Variants in RABGEF1 observed in about 807,000 individuals in gnomAD.
RABGEF1 encodes the protein rab5 GDP/GTP exchange factor.
In RABGEF1, 26 loss-of-function variants were observed where a neutral mutation model predicts 57.3. The ratio of observed to expected loss-of-function variants is 0.45; its 90% CI spans 0.33 to 0.63. The LOEUF is 0.63. Among genes scored for constraint, RABGEF1 ranks in the 20% least tolerant of loss-of-function variants. The pLI, the probability that RABGEF1 is intolerant of heterozygous loss-of-function variation, is 0.02. For synonymous variants in RABGEF1, 185 were observed against 210.7 expected (o/e 0.88, Z 1.06); for missense variants, 464 against 607.6 (o/e 0.76, Z 2.48).
At chr7:66,693,367 G>A (rs1791827739) in intron 1 of RABGEF1, among the ~76,000 whole-genome samples, 1 of 152,010 alleles carries the variant, frequency 6.6e-6, no homozygotes, top group South Asian at 2.1e-4. Flanking sequence ...CACAAACTCC[G>A]TCTCTCCCCT....
intron 1 of RABGEF1, among the ~76,000 whole-genome samples, chr7:66,689,946 C>G (rs527832708): frequency 2.8e-4 from 42 of 152,198 alleles, no homozygotes; most frequent in Non-Finnish European, 5.7e-4. Flanking sequence ...AAAATTAATG[C>G]CAGTTTTTTG....
At chr7:66,715,995 C>T (rs1189466125) in intron 2 of RABGEF1, among the ~76,000 whole-genome samples, 2 of 152,162 alleles carry the variant, frequency 1.3e-5, no homozygotes, top group African/African-American at 4.8e-5. Flanking sequence ...TGTTTAGTTC[C>T]ATATCCTAGC....
intron 1 of RABGEF1, among the ~76,000 whole-genome samples, chr7:66,684,000 C>T (rs1404514415): frequency 6.6e-6 from 1 of 152,142 alleles, no homozygotes; most frequent in African/African-American, 2.4e-5. Context: ...CTCAAGTGTC[C>T]CAATGTGCTG....
chr7:66,726,778 C>T (rs1796633271), intron 2 of RABGEF1, among the ~76,000 whole-genome samples: 2 of 152,090 alleles, frequency 1.3e-5, no homozygotes, highest in South Asian at 4.1e-4. Flanking sequence ...CTGAGGTGGG[C>T]TGATCACTTA....
intron 8 of RABGEF1, 63 bp from the exon 9 acceptor site, chr7:66,808,823 A>C: frequency 1.4e-6 from 2 of 1,415,300 alleles, no homozygotes; most frequent in Non-Finnish European, 1.9e-6. Flanking sequence ...AAAGATTTTT[A>C]CAAATCGACT....
At chr7:66,759,733 G>T (rs551907804) in intron 1 of RABGEF1, among the ~76,000 whole-genome samples, 1 of 152,268 alleles carries the variant, frequency 6.6e-6, no homozygotes, top group Non-Finnish European at 1.5e-5. Context: ...GATCTCACAA[G>T]CACAGAACCA....
At chr7:66,779,634 C>T (rs1294672043) in intron 3 of RABGEF1, among the ~76,000 whole-genome samples, 1 of 149,962 alleles carries the variant, frequency 6.7e-6, no homozygotes, top group Non-Finnish European at 1.5e-5. Flanking sequence ...ATCATGCAAC[C>T]GTACTCCAGC....
intron 2 of RABGEF1, among the ~76,000 whole-genome samples, chr7:66,729,479 T>TCTCCATCCTCAC (rs970602648): frequency 2.3e-3 from 1 of 428 alleles, no homozygotes; most frequent in African/African-American, 7.2e-3. Flanking sequence ...TTCCTCCTGC[T>TCTCCATCCTCAC]CTCCATCCTC....
intron 1 of RABGEF1, among the ~76,000 whole-genome samples, chr7:66,685,902 T>A (rs1790551442): frequency 6.6e-6 from 1 of 152,186 alleles, no homozygotes; most frequent in South Asian, 2.1e-4. Flanking sequence ...ATCCCTCAAA[T>A]GTAGGAAATA....
At chr7:66,709,443 A>T (rs749357437) in intron 1 of RABGEF1, among the ~76,000 whole-genome samples, 38 of 152,202 alleles carry the variant, frequency 2.5e-4, no homozygotes, top group Non-Finnish European at 4.0e-4. Context: ...CTATCTACAT[A>T]AAATATTCAA....
At chr7:66,790,638 G>A (rs933132088) in intron 4 of RABGEF1, among the ~76,000 whole-genome samples, 8 of 152,198 alleles carry the variant, frequency 5.3e-5, no homozygotes, top group Non-Finnish European at 1.0e-4. Context: ...ATCACTTGCC[G>A]TAGTTCATGA....
chr7:66,727,708 GC>G (rs1426115626), intron 2 of RABGEF1, among the ~76,000 whole-genome samples: 12 of 152,244 alleles, frequency 7.9e-5, no homozygotes, highest in African/African-American at 2.2e-4. Flanking sequence ...AGGGGTCCTG[GC>G]GGTGGCCAGA....
the RABGEF1 span, among the ~76,000 whole-genome samples, chr7:66,670,716 C>T: frequency 5.3e-5 from 8 of 151,664 alleles, no homozygotes; most frequent in African/African-American, 1.5e-4. Context: ...TGTGGTGGCT[C>T]GCGCCTGTAA....
chr7:66,796,701 C>A, intron 5 of RABGEF1: 1 of 283,980 alleles, frequency 3.5e-6, no homozygotes, highest in South Asian at 2.7e-5. Flanking sequence ...AAGTGATTCT[C>A]CTGTCTCAGC....
At chr7:66,745,998 A>G (rs968326449) in intron 1 of RABGEF1, among the ~76,000 whole-genome samples, 2 of 152,190 alleles carry the variant, frequency 1.3e-5, no homozygotes, top group African/African-American at 4.8e-5. Context: ...AAACATCTTG[A>G]AAATCTTATT....
chr7:66,659,237 G>A, the RABGEF1 span, among the ~76,000 whole-genome samples: 1 of 151,948 alleles, frequency 6.6e-6, no homozygotes, highest in East Asian at 2.0e-4. Context: ...TGGATCACAA[G>A]GTCAGGAGTT....
chr7:66,798,421 G>A (rs974141227), intron 6 of RABGEF1, among the ~76,000 whole-genome samples: 1 of 152,204 alleles, frequency 6.6e-6, no homozygotes, highest in African/African-American at 2.4e-5. Flanking sequence ...GATCTGTATT[G>A]GAAGTTTCAT....
At chr7:66,750,921 G>A (rs550107143) in intron 1 of RABGEF1, among the ~76,000 whole-genome samples, 13 of 152,206 alleles carry the variant, frequency 8.5e-5, no homozygotes, top group African/African-American at 2.9e-4. Context: ...TTAAATACAC[G>A]GTTTGAATTC....
At chr7:66,691,118 C>T (rs1791458307) in intron 1 of RABGEF1, among the ~76,000 whole-genome samples, 4 of 151,974 alleles carry the variant, frequency 2.6e-5, no homozygotes, top group Admixed American at 6.6e-5. Context: ...ATGACAACAC[C>T]AAATGTTGCA....
Sources: allele counts gnomAD v4.1 joint callset (sites outside exome capture counted in the v4.1 genomes callset), GRCh38; gene constraint gnomAD v4.1.1; transcripts MANE v1.5; gene names NCBI Gene and HGNC (gene_info 2026-07-23, HGNC 2026-07-21).